ABHD8: variants seen among roughly 807,000 people sequenced by gnomAD.
ABHD8 encodes protein ABHD8.
A neutral mutation model predicts 29.3 loss-of-function variants in ABHD8; 10 were observed. The observed-to-expected ratio is 0.34, with a 90% CI of 0.21 to 0.58. The LOEUF (loss-of-function observed/expected upper bound fraction) is 0.58, where lower values mean the gene tolerates loss of function less well. Among genes scored for constraint, ABHD8 ranks in the 20% least tolerant of loss-of-function variants. The pLI is 0.85. For synonymous variants in ABHD8, 282 were observed against 274.6 expected (o/e 1.03, Z -0.27); for missense variants, 556 against 615.3 (o/e 0.90, Z 1.02).
rs1317594633 is a variant in ABHD8, at chr19:17,301,638, C to G, written c.-8-14G>C. 1 of 1,521,124 alleles carries G rather than the reference C, an allele frequency of 6.6e-7. No homozygotes were observed. Among genetic ancestry groups the G allele is most frequent in the African/African-American group, 1.4e-5 (1 of 72,870 alleles). 94.2% of individuals were successfully genotyped at this position (1,521,124 alleles called of 1,614,324 possible). ...GCATGGTGTGTCCTGTGAGTGAGGA[C>G]AGCAGCCAGTTCAGGTGCTGTCTCA... On this transcript the variant is annotated splice_polypyrimidine_tract_variant and intron_variant, in intron 1 of 4. Transcript: ENST00000247706.
Position 17,301,492 on chromosome 19 carries a change from C to A in ABHD8, c.125G>T (p.Arg42Leu), listed in dbSNP as rs1227527679. 17 of 1,611,696 alleles carry A rather than the reference C, an allele frequency of 1.1e-5. No homozygotes were observed. Among genetic ancestry groups the A allele is most frequent in the Non-Finnish European group, 1.4e-5 (16 of 1,179,720 alleles). Reference sequence around the variant, plus strand: ...TCCTGCATGCTTCACCCGCAGCACGCGGCCGGGCTTGACCTCTACAAAGGT... The same window carrying A: ...TCCTGCATGCTTCACCCGCAGCACGAGGCCGGGCTTGACCTCTACAAAGGT... Reference protein sequence around the residue: ...GYTFVEVKPGRVLRVKHAGPA... With the variant: ...GYTFVEVKPGLVLRVKHAGPA... The change falls in exon 2 of 5, where the codon CGC becomes CTC. Residue 42 changes from arginine to leucine, a missense_variant. Transcript: ENST00000247706.
chr19:17,299,726 TAA>T (rs2074109094), intron 2 of ABHD8, among the ~76,000 whole-genome samples: 1 of 151,686 alleles, frequency 6.6e-6, no homozygotes, highest in African/African-American at 2.4e-5. Flanking sequence ...AAAAAAATTT[TAA>T]AAATGTAAAA....
intron 4 of ABHD8, among the ~76,000 whole-genome samples, chr19:17,293,563 G>A (rs2145650703): frequency 6.6e-6 from 1 of 152,124 alleles, no homozygotes; most frequent in East Asian, 1.9e-4. Flanking sequence ...CCCACTAGAT[G>A]CCAGTAGTAC....
intron 2 of ABHD8, chr19:17,296,630 T>C (rs1166027723): frequency 6.6e-6 from 1 of 151,978 alleles, no homozygotes; most frequent in East Asian, 1.9e-4. Flanking sequence ...GCCTGTGGGC[T>C]AGTCATTTGC....
chr19:17,296,206 C>T (rs975407286), intron 2 of ABHD8: 1 of 151,192 alleles, frequency 6.6e-6, no homozygotes, highest in South Asian at 2.1e-4. Context: ...TTTCACCAGA[C>T]TTTTTATTTT....
chr19:17,293,692 T>G (rs115265172), intron 4 of ABHD8, among the ~76,000 whole-genome samples: 104,330 of 142,794 alleles, frequency 0.73, 37,838 homozygotes, highest in Non-Finnish European at 0.8. Flanking sequence ...TGGTTTTTGT[T>G]TTTTTTTTTT....
At chr19:17,300,737 C>G in intron 2 of ABHD8, 119 bp downstream of exon 2, 1 of 1,326,282 alleles carries the variant, frequency 7.5e-7, no homozygotes, top group Non-Finnish European at 1.0e-6. Flanking sequence ...CTCGGCCTCC[C>G]AAAGTGCTGG....
Position 17,301,455 on chromosome 19 carries a change from G to A in ABHD8, c.162C>T (p.Ala54=), listed in dbSNP as rs148538259. The A allele has an allele frequency of 2.4e-4, 388 of 1,611,494 alleles. 2 individuals are homozygous for A. The highest frequency in any genetic ancestry group is 1.9e-3 in the African/African-American group (145 of 75,046). Residue 54 remains alanine (A), a synonymous_variant, in exon 2 of 5, where the codon GCC becomes GCT. Coordinates refer to ENST00000247706, the MANE Select transcript of ABHD8 (RefSeq NM_024527.5). ...CGGATGATGGTGGAGGTGGGGCAGC[G>A]GCTGGGGCGGGTCCTGCATGCTTCA... ...LRVKHAGPAP[A]AAPPPPSSAS...
chr19:17,298,866 G>A (rs1039976429), intron 2 of ABHD8, among the ~76,000 whole-genome samples: 2 of 146,072 alleles, frequency 1.4e-5, no homozygotes, highest in African/African-American at 5.0e-5. Context: ...TCACACCCCC[G>A]AGTAGCTGGG....
intron 2 of ABHD8, among the ~76,000 whole-genome samples, chr19:17,299,560 C>CAAAAAAA (rs567760409): frequency 2.5e-4 from 13 of 51,498 alleles, no homozygotes; most frequent in Non-Finnish European, 3.6e-4. Flanking sequence ...GACTCCATCT[C>CAAAAAAA]AAAAAAAAAA....
In ABHD8 at chr19:17,303,330, G is replaced by A. The variant is rs903106178; in HGVS notation, c.-97C>T. 2.6e-5 allele frequency: 4 copies of A among 152,308 alleles called. No homozygotes were observed. Among genetic ancestry groups the A allele is most frequent in the African/African-American group, 9.6e-5 (4 of 41,468 alleles). 9.4% of individuals were successfully genotyped at this position (152,308 alleles called of 1,614,324 possible). A position where few individuals can be genotyped will look rare whatever the true frequency, so the allele number is the denominator to read the frequency against. The stretch of plus-strand genomic sequence containing the variant: ...GCCTGCTGGCGCCGTTTACATGGTG[G>A]CGCGGGGTCAGGCCGGGTGCGTCTA... On this transcript the variant is annotated 5_prime_UTR_variant, in exon 1 of 5. Coordinates refer to ENST00000247706, the MANE Select transcript of ABHD8 (RefSeq NM_024527.5).
chr19:17,292,286 T>C lies in ABHD8; in HGVS notation c.*375A>G. On this transcript the variant is annotated 3_prime_UTR_variant, in exon 5 of 5. Transcript: ENST00000247706. ...GGATAACGGGATGGGGCCTCGAGGG[T>C]CCCTGTGGGGCTCGTGGGTCCCAGG... 2.9e-6 allele frequency: 1 copy of C among 342,004 alleles called. No individual in the cohort carries two copies. 21.2% of individuals were successfully genotyped at this position (342,004 alleles called of 1,614,324 possible).
chr19:17,294,564 C>T (rs1270191962), intron 3 of ABHD8, 60 bp from the exon 4 acceptor site: 3 of 1,610,396 alleles, frequency 1.9e-6, no homozygotes, highest in Non-Finnish European at 2.5e-6. Context: ...CGTGGGGTGC[C>T]CCCGATGCCA....
chr19:17,300,744 C>T (rs1375796852), intron 2 of ABHD8, 112 bp downstream of exon 2: 7 of 1,355,302 alleles, frequency 5.2e-6, no homozygotes, highest in Non-Finnish European at 7.0e-6. Context: ...TCCCAAAGTG[C>T]TGGGATTACA....
At chr19:17,294,138 C>G (rs1010880548) in intron 4 of ABHD8, 150 bp downstream of exon 4, 2 of 909,304 alleles carry the variant, frequency 2.2e-6, no homozygotes, top group Non-Finnish European at 3.3e-6. Flanking sequence ...CAAGATACAG[C>G]AACTAGAGGC....
intron 2 of ABHD8, among the ~76,000 whole-genome samples, chr19:17,296,032 C>G (rs2074092553): frequency 6.6e-6 from 1 of 151,982 alleles, no homozygotes; most frequent in African/African-American, 2.4e-5. Flanking sequence ...TTCATGTCCT[C>G]CCCCTACCCA....
At position 17,300,840 on chromosome 19, in the gene ABHD8, G is replaced by A. The variant is rs772271267; in HGVS notation, c.761+16C>T. The A allele has an allele frequency of 6.4e-7, 1 of 1,571,758 alleles. No homozygotes were observed. The highest frequency in any genetic ancestry group is 2.3e-5 in the East Asian group (1 of 44,228). ...CCCATCCCTCACCCCCACCCCACATGCCAGGGTTCACTTACCCGTAGGAAT... is the reference window on the plus strand; with the variant it reads ...CCCATCCCTCACCCCCACCCCACATACCAGGGTTCACTTACCCGTAGGAAT... On this transcript the variant is annotated intron_variant, in intron 2 of 4. Coordinates refer to ENST00000247706, the MANE Select transcript of ABHD8 (RefSeq NM_024527.5).
rs2074084027 is a variant in ABHD8, at chr19:17,294,347, G to C, written c.1090C>G (p.Leu364Val). Reference protein sequence around the residue: ...YHAELTVPVLLVHGMHDKFVP... With the variant: ...YHAELTVPVLVVHGMHDKFVP... ...AACTTATCGTGCATGCCGTGGACAA[G>C]CAGGACGGGCACGGTGAGCTCGGCG... Residue 364 changes from leucine (L) to valine (V), a missense_variant, in exon 4 of 5, where the codon CTT becomes GTT. By Grantham distance (32) the Leu-to-Val change is conservative. Around this residue, in one of 2 missense-constraint regions of ABHD8, gnomAD observed 270 missense variants for 353.9 expected, o/e 0.76. Transcript: ENST00000247706. 1.9e-6 allele frequency: 3 copies of C among 1,613,000 alleles called. No individual in the cohort carries two copies. The highest frequency in any genetic ancestry group is 2.5e-6 in the Non-Finnish European group (3 of 1,180,006).
At chr19:17,303,158 A>G (rs1030306959) in intron 1 of ABHD8, 84 bp downstream of exon 1, 2 of 152,202 alleles carry the variant, frequency 1.3e-5, no homozygotes, top group Admixed American at 6.5e-5. Context: ...TACGAGCCCA[A>G]ACGCGGGGTT....
Sources: gnomAD v4.1 joint callset for allele counts (sites outside exome capture counted in the v4.1 genomes callset) on GRCh38, gnomAD v4.1.1 for gene constraint, gnomAD v4.1.1 regional missense constraint, MANE v1.5 for transcripts, NCBI Gene and HGNC (gene_info 2026-07-23, HGNC 2026-07-21) for gene names.